CD28: variants seen among roughly 807,000 people sequenced by gnomAD.
CD28 encodes the protein CD28 molecule.
CD28 carries 8 observed loss-of-function variants against 21.4 expected under a neutral mutation model. The ratio of observed to expected loss-of-function variants is 0.37; its 90% CI spans 0.22 to 0.68. CD28 has a LOEUF of 0.68. Ranked by LOEUF, CD28 falls within the 30% of genes least tolerant of loss-of-function variation. CD28 has a pLI of 0.55. For synonymous variants in CD28, 106 were observed against 104.0 expected (o/e 1.02, Z -0.12); for missense variants, 239 against 272.2 (o/e 0.88, Z 0.86).
chr2:203,710,999 C>A (rs1217569131), intron 1 of CD28, among the ~76,000 whole-genome samples: 1 of 152,104 alleles, frequency 6.6e-6, no homozygotes, highest in Non-Finnish European at 1.5e-5. Flanking sequence ...AAAATTACAT[C>A]TGGGTGGTTT....
intron 1 of CD28, among the ~76,000 whole-genome samples, chr2:203,715,670 C>T (rs1271982885): frequency 1.3e-5 from 2 of 152,200 alleles, no homozygotes; most frequent in Non-Finnish European, 1.5e-5. Context: ...CTATCCCCAA[C>T]TGGCTTCCTC....
chr2:203,736,775 T>A lies in CD28; in HGVS notation c.*1863T>A, dbSNP rs1362067390. On this transcript the variant is annotated 3_prime_UTR_variant, in exon 4 of 4. Transcript: ENST00000324106. ...CACTGCCCACCTAAGATGATGGTTC[T>A]TCAACTATAAAATGGAGATAATGGT... 6.6e-6 allele frequency: 1 copy of A among 152,224 alleles called. No homozygotes were observed. Among genetic ancestry groups the A allele is most frequent in the Non-Finnish European group, 1.5e-5 (1 of 68,034 alleles). 9.4% of individuals were successfully genotyped at this position (152,224 alleles called of 1,614,324 possible).
At chr2:203,731,011 C>A (rs1266889947) in intron 3 of CD28, among the ~76,000 whole-genome samples, 1 of 152,200 alleles carries the variant, frequency 6.6e-6, no homozygotes, top group Non-Finnish European at 1.5e-5. Context: ...TTCAGTTGTT[C>A]CCCACATGCT....
At chr2:203,721,925 T>C (rs1217053469) in intron 1 of CD28, among the ~76,000 whole-genome samples, 1 of 152,054 alleles carries the variant, frequency 6.6e-6, no homozygotes, top group Non-Finnish European at 1.5e-5. Flanking sequence ...TGCCACAGCT[T>C]TTCTTCCTTC....
chr2:203,721,604 C>A (rs1218511453), intron 1 of CD28, among the ~76,000 whole-genome samples: 1 of 152,076 alleles, frequency 6.6e-6, no homozygotes, highest in Non-Finnish European at 1.5e-5. Flanking sequence ...GCCAGGCTAA[C>A]TTTTACTTAG....
chr2:203,727,855 A>G (rs1693794183), intron 2 of CD28, among the ~76,000 whole-genome samples: 1 of 151,914 alleles, frequency 6.6e-6, no homozygotes, highest in African/African-American at 2.4e-5. Context: ...AATTTTTTGT[A>G]TTTTTAGTAG....
At chr2:203,726,291 C>G (rs1693746414) in intron 1 of CD28, among the ~76,000 whole-genome samples, 1 of 152,132 alleles carries the variant, frequency 6.6e-6, no homozygotes, top group Non-Finnish European at 1.5e-5. Context: ...ATCACTCAGT[C>G]AGGAAATTGG....
intron 2 of CD28, among the ~76,000 whole-genome samples, chr2:203,727,952 C>CCGCGTG: frequency 6.6e-6 from 1 of 152,158 alleles, no homozygotes; most frequent in Non-Finnish European, 1.5e-5. Flanking sequence ...GCTGGGATTA[C>CCGCGTG]AGGCGTGAGC....
intron 1 of CD28, among the ~76,000 whole-genome samples, chr2:203,719,672 A>C (rs1355146135): frequency 6.6e-6 from 1 of 152,230 alleles, no homozygotes; most frequent in Non-Finnish European, 1.5e-5. Context: ...AGATGGGCAT[A>C]AAGATGACTG....
chr2:203,734,911 G>A lies in CD28; in HGVS notation c.662G>A (p.Ter221=), dbSNP rs1693990706. Residue 221 remains the stop codon, a stop_retained_variant, in exon 4 of 4, where the codon TGA becomes TAA. Transcript: ENST00000324106. ...CGCGACTTCGCAGCCTATCGCTCCT[G>A]ACACGGACGCCTATCCAGAAGCCAG... is the stretch of plus-strand genomic sequence containing the variant. ...PPRDFAAYRS[*] 5 of 1,613,836 alleles carry A rather than the reference G, an allele frequency of 3.1e-6. No individual in the cohort carries two copies. The highest frequency in any genetic ancestry group is 2.7e-5 in the African/African-American group (2 of 74,930).
At chr2:203,732,749 A>G (rs141110861) in intron 3 of CD28, among the ~76,000 whole-genome samples, 4 of 152,180 alleles carry the variant, frequency 2.6e-5, no homozygotes. Context: ...CTCAATGCAC[A>G]TGGGTGCTGT....
chr2:203,734,219 T>C (rs534474645), intron 3 of CD28, among the ~76,000 whole-genome samples: 1 of 152,350 alleles, frequency 6.6e-6, no homozygotes, highest in Admixed American at 6.5e-5. Context: ...AAATTCATCC[T>C]GATGGAGCCA....
At position 203,734,907 on chromosome 2, in the gene CD28, T is replaced by C. The variant is rs1227677846; in HGVS notation, c.658T>C (p.Ser220Pro). The C allele has an allele frequency of 9.9e-6, 16 of 1,613,936 alleles. No individual in the cohort carries two copies. Among genetic ancestry groups the C allele is most frequent in the Non-Finnish European group, 1.3e-5 (15 of 1,179,966 alleles). ...ACCACGCGACTTCGCAGCCTATCGCTCCTGACACGGACGCCTATCCAGAAG... is the reference window on the plus strand; with the variant it reads ...ACCACGCGACTTCGCAGCCTATCGCCCCTGACACGGACGCCTATCCAGAAG... ...APPRDFAAYR[S>P] Residue 220 changes from serine to proline, a missense_variant, in exon 4 of 4, where the codon TCC (serine) becomes CCC (proline). Coordinates refer to ENST00000324106, the MANE Select transcript of CD28 (RefSeq NM_006139.4).
intron 1 of CD28, among the ~76,000 whole-genome samples, chr2:203,707,879 C>G (rs559215725): frequency 6.6e-6 from 1 of 152,116 alleles, no homozygotes; most frequent in Non-Finnish European, 1.5e-5. Flanking sequence ...AAATTAACTT[C>G]GGAAAATCAC....
At chr2:203,712,178 C>T (rs1028415880) in intron 1 of CD28, among the ~76,000 whole-genome samples, 3 of 146,404 alleles carry the variant, frequency 2.0e-5, no homozygotes, top group Non-Finnish European at 3.0e-5. Context: ...GGTGACAGAG[C>T]GAGATTCCGT....
intron 1 of CD28, among the ~76,000 whole-genome samples, chr2:203,710,790 T>G (rs1693291088): frequency 6.6e-6 from 1 of 152,208 alleles, no homozygotes; most frequent in African/African-American, 2.4e-5. Context: ...CAGACTTGGT[T>G]GTCTAAAAAT....
intron 1 of CD28, among the ~76,000 whole-genome samples, chr2:203,712,919 T>A (rs1685385883): frequency 6.6e-6 from 1 of 152,240 alleles, no homozygotes; most frequent in Non-Finnish European, 1.5e-5. Context: ...GTAGTTACTA[T>A]GATTGCTATG....
chr2:203,711,147 C>T (rs935039099), intron 1 of CD28, among the ~76,000 whole-genome samples: 1 of 152,218 alleles, frequency 6.6e-6, no homozygotes, highest in African/African-American at 2.4e-5. Context: ...CAAGACAATT[C>T]ACTCAGAGCT....
In CD28 at chr2:203,735,662, G is replaced by A. The variant is rs1694012690; in HGVS notation, c.*750G>A. 1 of 152,406 alleles carries A rather than the reference G, an allele frequency of 6.6e-6. No individual in the cohort carries two copies. Among genetic ancestry groups the A allele is most frequent in the Non-Finnish European group, 1.5e-5 (1 of 68,034 alleles). The allele number at this position is 152,406 out of a possible 1,614,324, so 9.4% of individuals were successfully genotyped here. The stretch of plus-strand genomic sequence containing the variant: ...AATATACTTTCGAAAGAATAAAATA[G>A]TTCTCCTACATGAAGAAAGAATATG... On this transcript the variant is annotated 3_prime_UTR_variant, in exon 4 of 4. Coordinates refer to ENST00000324106, the MANE Select transcript of CD28 (RefSeq NM_006139.4).
Sources: allele counts gnomAD v4.1 joint callset (sites outside exome capture counted in the v4.1 genomes callset), GRCh38; gene constraint gnomAD v4.1.1; transcripts MANE v1.5; gene names NCBI Gene and HGNC (gene_info 2026-07-23, HGNC 2026-07-21).